Variants in COL12A1 observed in about 807,000 individuals in gnomAD.
COL12A1 encodes collagen type XII alpha 1 chain, also known as collagen alpha-1(XII) chain.
COL12A1 carries 114 observed loss-of-function variants against 349.7 expected under a neutral mutation model. The observed-to-expected ratio is 0.33, with a 90% CI of 0.28 to 0.38. The LOEUF is 0.38. COL12A1 is among the 10% of genes least tolerant of loss of function. The probability of loss-of-function intolerance (pLI) is 1.00; values close to 1 mark genes in which losing one functional copy is unlikely to be tolerated. For missense variants in COL12A1, 3,284 were observed against 3,756.9 expected (o/e 0.87, Z 3.29); for synonymous variants, 1,369 against 1,329.0 (o/e 1.03, Z -0.66).
intron 53 of COL12A1, 83 bp downstream of exon 53, chr6:75,106,336 G>T: frequency 8.5e-7 from 1 of 1,171,110 alleles, no homozygotes. Context: ...CAACTGTGCA[G>T]TGCTACTTCC....
intron 58 of COL12A1, among the ~76,000 whole-genome samples, chr6:75,100,306 G>A (rs1187131364): frequency 6.6e-6 from 1 of 152,166 alleles, no homozygotes; most frequent in Non-Finnish European, 1.5e-5. Context: ...CTGTGTGTCT[G>A]CATGAAGCCC....
chr6:75,101,704 G>A, intron 57 of COL12A1, 51 bp from the exon 58 acceptor site: 1 of 1,573,014 alleles, frequency 6.4e-7, no homozygotes, highest in Middle Eastern at 1.7e-4. Flanking sequence ...CTTCCTGTGT[G>A]GGAGAGAATC....
At chr6:75,139,060 T>C in intron 27 of COL12A1, 99 bp from the exon 28 acceptor site, 1 of 1,360,150 alleles carries the variant, frequency 7.4e-7, no homozygotes, top group South Asian at 1.4e-5. Context: ...AATGGACATC[T>C]GAAAACTGAT....
At chr6:75,094,660 C>G (rs1427512250) in intron 60 of COL12A1, among the ~76,000 whole-genome samples, 2 of 152,186 alleles carry the variant, frequency 1.3e-5, no homozygotes, top group South Asian at 2.1e-4. Context: ...GATGTTCTAG[C>G]CTCCTCAACT....
intron 11 of COL12A1, 128 bp from the exon 12 acceptor site, chr6:75,178,063 G>T: frequency 1.2e-6 from 1 of 846,192 alleles, no homozygotes. Context: ...CAATTTATTT[G>T]CAAACATCCT....
At chr6:75,175,005 T>C (rs567090667) in intron 13 of COL12A1, 33 bp downstream of exon 13, 1 of 1,609,416 alleles carries the variant, frequency 6.2e-7, no homozygotes, top group Non-Finnish European at 8.5e-7. Context: ...ACAAACAAGT[T>C]CCTGGATTTT....
chr6:75,100,893 C>G (rs1460702581), intron 58 of COL12A1, among the ~76,000 whole-genome samples: 12 of 152,180 alleles, frequency 7.9e-5, no homozygotes, highest in Admixed American at 7.9e-4. Flanking sequence ...TCATTAGTTC[C>G]TTTGTTCTGA....
chr6:75,181,375 A>G (rs1178978288), intron 10 of COL12A1, among the ~76,000 whole-genome samples, 164 bp from the exon 11 acceptor site: 2 of 152,158 alleles, frequency 1.3e-5, no homozygotes, highest in Admixed American at 6.5e-5. Flanking sequence ...ATTGAGAGAA[A>G]GCCCCCCACA....
At chr6:75,111,729 G>A (rs975346324) in intron 51 of COL12A1, among the ~76,000 whole-genome samples, 5 of 151,764 alleles carry the variant, frequency 3.3e-5, no homozygotes, top group Non-Finnish European at 3.0e-5. Flanking sequence ...TTGCTTTTCT[G>A]ATGAGGCATT....
At chr6:75,160,539 TG>T (rs1767980441) in intron 14 of COL12A1, among the ~76,000 whole-genome samples, 1 of 152,074 alleles carries the variant, frequency 6.6e-6, no homozygotes, top group African/African-American at 2.4e-5. Flanking sequence ...AACAACAAAG[TG>T]GTGGTAGAAC....
rs762867757 is a variant in COL12A1 at position 75,130,832 on chromosome 6, A to C, written c.6067+20T>G. 4 of 1,613,776 alleles carry C rather than the reference A, an allele frequency of 2.5e-6. No homozygotes were observed. The highest frequency in any genetic ancestry group is 2.5e-6 in the Non-Finnish European group (3 of 1,179,886). ...ATCTAGCTACAAGGGAATGGAATGGAGAAAGGATTTCTGCCTCACGCGTTC... is the reference window on the plus strand; with the variant it reads ...ATCTAGCTACAAGGGAATGGAATGGCGAAAGGATTTCTGCCTCACGCGTTC... On this transcript the variant is annotated intron_variant, in intron 36 of 65. Transcript: ENST00000322507.
At chr6:75,103,700 A>G in intron 55 of COL12A1, 57 bp downstream of exon 55, 1 of 1,515,168 alleles carries the variant, frequency 6.6e-7, no homozygotes, top group Non-Finnish European at 9.1e-7. Flanking sequence ...TGAAAATTTG[A>G]ACAACCAGAT....
chr6:75,144,969 C>T (rs1205232604), intron 25 of COL12A1, among the ~76,000 whole-genome samples: 1 of 152,180 alleles, frequency 6.6e-6, no homozygotes, highest in Non-Finnish European at 1.5e-5. Context: ...CTCATCAATG[C>T]TATATGTCAT....
At position 75,134,867 on chromosome 6, in the gene COL12A1, AG is replaced by A; in HGVS notation, c.5395-13del. ...CCTCCTATTGTGGTCTTGAGTAAAA[AG>A]GGTCTTGGTAAGTGTCAGCCTTGCT... On this transcript the variant is annotated splice_polypyrimidine_tract_variant and intron_variant, in intron 31 of 65. Coordinates refer to ENST00000322507, the MANE Select transcript of COL12A1 (RefSeq NM_004370.6). 1 of 1,608,014 alleles carries A rather than the reference AG, an allele frequency of 6.2e-7. No individual in the cohort carries two copies. Among genetic ancestry groups the A allele is most frequent in the Non-Finnish European group, 8.5e-7 (1 of 1,176,040 alleles).
Position 75,182,604 on chromosome 6 carries a change from A to C in COL12A1, c.1891+446T>G, listed in dbSNP as rs543476129. On this transcript the variant is annotated intron_variant, in intron 10 of 65. Transcript: ENST00000322507. The stretch of plus-strand genomic sequence containing the variant: ...ATCAGACAAATGAGGAAAATTCCAG[A>C]TGTGACAAATGATGCCCAAAATGAT... Among the ~76,000 whole-genome samples, 28 of 152,336 alleles carry C rather than the reference A, an allele frequency of 1.8e-4. No individual in the cohort carries two copies. The East Asian group carries it at 5.0e-3, about 27-fold the overall frequency.
chr6:75,186,559 G>A (rs1178091055), intron 8 of COL12A1, among the ~76,000 whole-genome samples: 1 of 152,148 alleles, frequency 6.6e-6, no homozygotes, highest in Non-Finnish European at 1.5e-5. Flanking sequence ...AGACAGTGCA[G>A]CAATTCCTCA....
chr6:75,155,693 A>G lies in COL12A1; in HGVS notation c.3412T>C (p.Tyr1138His), dbSNP rs1477292378. ...TCCTCCAAAACAACTGTGTTGTCAT[A>G]GGGTCCAACCACTAACTCCCCCAGT... ...RRLGELVVGP[Y>H]DNTVVLEELR... The change falls in exon 16 of 66, where the codon TAT becomes CAT. Residue 1138 changes from tyrosine (Y) to histidine (H), a missense_variant. Around this residue, in one of 2 missense-constraint regions of COL12A1, gnomAD observed 2,601 missense variants for 2,824.8 expected, o/e 0.92. Transcript: ENST00000322507. 1 of 1,610,624 alleles carries G rather than the reference A, an allele frequency of 6.2e-7. No individual in the cohort carries two copies. Among genetic ancestry groups the G allele is most frequent in the South Asian group, 1.1e-5 (1 of 90,144 alleles).
intron 36 of COL12A1, 95 bp downstream of exon 36, chr6:75,130,757 T>A: frequency 6.6e-7 from 1 of 1,512,800 alleles, no homozygotes; most frequent in Non-Finnish European, 9.0e-7. Context: ...AAAGCACCCA[T>A]CTCTCACCAC....
chr6:75,119,028 C>A lies in COL12A1; in HGVS notation c.7354+15G>T. 6.2e-7 allele frequency: 1 copy of A among 1,612,432 alleles called. No homozygotes were observed. On this transcript the variant is annotated intron_variant, in intron 46 of 65. Transcript: ENST00000322507. Reference sequence around the variant, plus strand: ...TTAAAATTTCAAGTGCAATCAAATTCATGTATGTGCTTGCCTGACTGCTGG... The same window carrying A: ...TTAAAATTTCAAGTGCAATCAAATTAATGTATGTGCTTGCCTGACTGCTGG...
Sources: allele counts gnomAD v4.1 joint callset (sites outside exome capture counted in the v4.1 genomes callset), GRCh38; gene constraint gnomAD v4.1.1; regional missense constraint gnomAD v4.1.1; transcripts MANE v1.5; gene names NCBI Gene and HGNC (gene_info 2026-07-23, HGNC 2026-07-21).